Variants in SPAG16 observed in about 807,000 individuals in gnomAD.
SPAG16 encodes sperm-associated antigen 16 protein.
In SPAG16, 86 loss-of-function variants were observed where a neutral mutation model predicts 80.4. The ratio of observed to expected loss-of-function variants is 1.07; its 90% CI spans 0.90 to 1.28. The LOEUF (loss-of-function observed/expected upper bound fraction) is 1.28. Ranked by LOEUF, SPAG16 falls within the 50% of genes most tolerant of loss-of-function variation. The pLI is 0.00. For synonymous variants in SPAG16, 294 were observed against 265.9 expected (o/e 1.11, Z -1.03); for missense variants, 870 against 765.3 (o/e 1.14, Z -1.61).
intron 9 of SPAG16, among the ~76,000 whole-genome samples, chr2:213,465,760 C>T (rs950904634): frequency 2.6e-4 from 40 of 152,318 alleles, no homozygotes; most frequent in Middle Eastern, 3.4e-3. Flanking sequence ...GGCCAGTCAT[C>T]CTTTAGCCAC....
intron 14 of SPAG16, among the ~76,000 whole-genome samples, chr2:214,112,847 A>C (rs1576245080): frequency 1.3e-5 from 2 of 152,162 alleles, no homozygotes; most frequent in East Asian, 3.9e-4. Flanking sequence ...GCTATGTGTG[A>C]ATTTGATCCT....
chr2:213,633,452 A>G (rs969601869), intron 10 of SPAG16, among the ~76,000 whole-genome samples: 1 of 152,184 alleles, frequency 6.6e-6, no homozygotes, highest in Non-Finnish European at 1.5e-5. Flanking sequence ...TATATAGTCT[A>G]TCATTGAGAA....
At chr2:213,831,805 T>A (rs2073675862) in intron 10 of SPAG16, among the ~76,000 whole-genome samples, 1 of 152,092 alleles carries the variant, frequency 6.6e-6, no homozygotes, top group Non-Finnish European at 1.5e-5. Context: ...ATTAATTTAA[T>A]CCTCTTAATC....
intron 5 of SPAG16, among the ~76,000 whole-genome samples, chr2:213,338,879 T>C (rs1199727573): frequency 6.6e-6 from 1 of 152,006 alleles, no homozygotes; most frequent in Non-Finnish European, 1.5e-5. Context: ...GAGTATGTGG[T>C]TGGGGGAGGT....
At chr2:213,374,217 TC>T (rs1327710471) in intron 8 of SPAG16, among the ~76,000 whole-genome samples, 2 of 152,208 alleles carry the variant, frequency 1.3e-5, no homozygotes, top group Non-Finnish European at 2.9e-5. Flanking sequence ...GCCATTTTCT[TC>T]CCTGCCTTTA....
At chr2:213,494,035 C>T (rs2074380608) in intron 10 of SPAG16, among the ~76,000 whole-genome samples, 1 of 152,182 alleles carries the variant, frequency 6.6e-6, no homozygotes, top group South Asian at 2.1e-4. Context: ...TCATTTTCTT[C>T]ACCTCTGACC....
intron 9 of SPAG16, among the ~76,000 whole-genome samples, chr2:213,427,555 A>G (rs77380036): frequency 2.3e-4 from 35 of 152,302 alleles, no homozygotes; most frequent in East Asian, 1.7e-3. Flanking sequence ...TCTATATGCA[A>G]TACATCTCAA....
At position 213,296,108 on chromosome 2, in the gene SPAG16, G is replaced by T. The variant is rs2062486759; in HGVS notation, c.181G>T (p.Glu61Ter). Reference protein sequence around the residue: ...EASEDDYEYEEIPDDNFSIPE... With the variant: ...EASEDDYEYE ...ATCTGAAGATGACTATGAATATGAAGAGGTAACATGTTAATTTTAGGTGTT... is the reference window on the plus strand; with the variant it reads ...ATCTGAAGATGACTATGAATATGAATAGGTAACATGTTAATTTTAGGTGTT... Residue 61 changes from glutamate to a stop codon, truncating the protein, a stop_gained and splice_region_variant, in exon 2 of 16, where the codon GAG (glutamate) becomes TAG (stop). Coordinates refer to ENST00000331683, the MANE Select transcript of SPAG16 (RefSeq NM_024532.5). LOFTEE classifies it high-confidence loss of function. 1.1e-5 allele frequency: 18 copies of T among 1,600,134 alleles called. No homozygotes were observed. The highest frequency in any genetic ancestry group is 1.5e-5 in the Non-Finnish European group (17 of 1,168,526).
intron 10 of SPAG16, among the ~76,000 whole-genome samples, chr2:213,797,864 T>C (rs2071143562): frequency 6.6e-6 from 1 of 152,230 alleles, no homozygotes; most frequent in Non-Finnish European, 1.5e-5. Flanking sequence ...TCTTATAGGG[T>C]TAACTGTGTT....
At chr2:214,004,487 A>G (rs925633289) in intron 12 of SPAG16, among the ~76,000 whole-genome samples, 3 of 152,178 alleles carry the variant, frequency 2.0e-5, no homozygotes, top group African/African-American at 7.2e-5. Context: ...TGTAGGAGAC[A>G]CATAGGTATC....
intron 10 of SPAG16, among the ~76,000 whole-genome samples, chr2:213,770,155 G>A (rs1191704379): frequency 6.6e-6 from 1 of 152,064 alleles, no homozygotes; most frequent in Non-Finnish European, 1.5e-5. Flanking sequence ...TGTATTAATA[G>A]GCACCTGGTT....
chr2:213,833,041 A>G (rs544225089), intron 10 of SPAG16, among the ~76,000 whole-genome samples: 11 of 152,124 alleles, frequency 7.2e-5, no homozygotes, highest in African/African-American at 2.2e-4. Flanking sequence ...TCAGTCTTCA[A>G]TTACTGTGCT....
chr2:213,544,691 C>T (rs1167790674), intron 10 of SPAG16, among the ~76,000 whole-genome samples: 1 of 152,078 alleles, frequency 6.6e-6, no homozygotes, highest in South Asian at 2.1e-4. Context: ...GCTCCCCCCT[C>T]GTACCCCTGG....
intron 10 of SPAG16, among the ~76,000 whole-genome samples, chr2:213,588,486 A>G (rs1485426015): frequency 6.6e-6 from 1 of 151,662 alleles, no homozygotes; most frequent in Non-Finnish European, 1.5e-5. Flanking sequence ...CCAAAAGTAC[A>G]ATATAGTGAT....
At chr2:213,936,998 G>T (rs1434524611) in intron 12 of SPAG16, among the ~76,000 whole-genome samples, 2 of 152,088 alleles carry the variant, frequency 1.3e-5, no homozygotes, top group Non-Finnish European at 2.9e-5. Context: ...TTGTTATGAT[G>T]AATTACCTTC....
intron 10 of SPAG16, among the ~76,000 whole-genome samples, chr2:213,505,924 A>G (rs989930914): frequency 6.6e-6 from 1 of 151,576 alleles, no homozygotes; most frequent in Non-Finnish European, 1.5e-5. Context: ...TTAATAAATC[A>G]TATATAATAA....
chr2:213,798,269 G>C (rs1258733403), intron 10 of SPAG16, among the ~76,000 whole-genome samples: 3 of 151,824 alleles, frequency 2.0e-5, no homozygotes, highest in South Asian at 2.1e-4. Context: ...TTGTTTGTTT[G>C]TTTTGAGATG....
intron 9 of SPAG16, among the ~76,000 whole-genome samples, chr2:213,454,526 T>A (rs1460223619): frequency 6.6e-6 from 1 of 152,234 alleles, no homozygotes; most frequent in African/African-American, 2.4e-5. Context: ...GTCTTCAGAA[T>A]TGCTTTGGAA....
intron 10 of SPAG16, among the ~76,000 whole-genome samples, chr2:213,829,374 C>T (rs1347589703): frequency 6.6e-6 from 1 of 152,072 alleles, no homozygotes; most frequent in Non-Finnish European, 1.5e-5. Flanking sequence ...GCTGCTAGGC[C>T]TAGGACTCGC....
Sources: allele counts gnomAD v4.1 joint callset (sites outside exome capture counted in the v4.1 genomes callset), GRCh38; gene constraint gnomAD v4.1.1; transcripts MANE v1.5; gene names NCBI Gene and HGNC (gene_info 2026-07-23, HGNC 2026-07-21).